The following SPATA12 variants were observed in gnomAD, a reference collection of about 807,000 sequenced individuals.
SPATA12 encodes spermatogenesis-associated protein 12.
For missense variants in SPATA12, 219 were observed against 226.4 expected (o/e 0.97, Z 0.21); for synonymous variants, 85 against 89.2 (o/e 0.95, Z 0.26).
At chr3:57,062,533 T>G (rs944379289) in intron 1 of SPATA12, among the ~76,000 whole-genome samples, 2 of 152,216 alleles carry the variant, frequency 1.3e-5, no homozygotes, top group Non-Finnish European at 2.9e-5. Flanking sequence ...CCAGCACAGA[T>G]GCTGCATAAT....
At chr3:57,072,773 G>A (rs1010982323) in intron 1 of SPATA12, among the ~76,000 whole-genome samples, 43 of 151,784 alleles carry the variant, frequency 2.8e-4, no homozygotes, top group African/African-American at 9.4e-4. Flanking sequence ...CAAGCCAGGC[G>A]TGGTGGCTCA....
At chr3:57,069,415 T>TCA (rs1560176738) in intron 1 of SPATA12, among the ~76,000 whole-genome samples, 51 of 131,412 alleles carry the variant, frequency 3.9e-4, no homozygotes, top group Middle Eastern at 3.9e-3. Context: ...ACACACATTG[T>TCA]TTGTTTAAAA....
chr3:57,060,715 C>A lies in SPATA12; in HGVS notation c.-401C>A, dbSNP rs1365480145. 1 of 152,250 alleles carries A rather than the reference C, an allele frequency of 6.6e-6. No homozygotes were observed. Among genetic ancestry groups the A allele is most frequent in the African/African-American group, 2.4e-5 (1 of 41,432 alleles). 9.4% of individuals were successfully genotyped at this position (152,250 alleles called of 1,614,324 possible). A position where few individuals can be genotyped will look rare whatever the true frequency, so the allele number is the denominator to read the frequency against. On this transcript the variant is annotated 5_prime_UTR_variant, in exon 1 of 2. Coordinates refer to ENST00000334325, the MANE Select transcript of SPATA12 (RefSeq NM_181727.2). Reference sequence around the variant, plus strand: ...AGGCTCACCTTCCCCTCATCTCCCCCACTCTTCCTGATCCTGCAGCGTCAG... The same window carrying A: ...AGGCTCACCTTCCCCTCATCTCCCCAACTCTTCCTGATCCTGCAGCGTCAG...
intron 1 of SPATA12, among the ~76,000 whole-genome samples, chr3:57,064,414 C>T (rs957815579): frequency 6.6e-6 from 1 of 151,794 alleles, no homozygotes; most frequent in Non-Finnish European, 1.5e-5. Flanking sequence ...GCCTCAACTT[C>T]CCTGACTCAA....
chr3:57,062,542 A>G (rs996762270), intron 1 of SPATA12, among the ~76,000 whole-genome samples: 1 of 152,216 alleles, frequency 6.6e-6, no homozygotes, highest in African/African-American at 2.4e-5. Flanking sequence ...ATGCTGCATA[A>G]TCTACAATAG....
intron 1 of SPATA12, among the ~76,000 whole-genome samples, chr3:57,065,466 A>C (rs1488439039): frequency 1.3e-5 from 2 of 149,342 alleles, no homozygotes; most frequent in East Asian, 1.9e-4. Context: ...ATCACAAAAC[A>C]AAAAAAAAAG....
chr3:57,067,525 G>A (rs1157365764), intron 1 of SPATA12, among the ~76,000 whole-genome samples: 2 of 149,290 alleles, frequency 1.3e-5, no homozygotes, highest in Non-Finnish European at 3.0e-5. Context: ...TATCATAGTA[G>A]ATATATTTGT....
At chr3:57,061,092 T>C (rs1705198396) in intron 1 of SPATA12, among the ~76,000 whole-genome samples, 1 of 152,198 alleles carries the variant, frequency 6.6e-6, no homozygotes, top group African/African-American at 2.4e-5. Flanking sequence ...TTTGTTGTCA[T>C]TCTAAACAGA....
chr3:57,061,970 G>C (rs919978679), intron 1 of SPATA12, among the ~76,000 whole-genome samples: 7 of 152,116 alleles, frequency 4.6e-5, no homozygotes, highest in Admixed American at 1.3e-4. Context: ...CTGCCTACAA[G>C]CATTTTCTGC....
chr3:57,069,411 ATT>A (rs902616153), intron 1 of SPATA12, among the ~76,000 whole-genome samples: 6 of 147,812 alleles, frequency 4.1e-5, no homozygotes, highest in South Asian at 4.3e-4. Flanking sequence ...ACACACACAC[ATT>A]GTTTGTTTAA....
Position 57,073,861 on chromosome 3 carries a change from G to A in SPATA12, c.167G>A (p.Gly56Asp). 1 of 1,614,220 alleles carries A rather than the reference G, an allele frequency of 6.2e-7. No individual in the cohort carries two copies. Among genetic ancestry groups the A allele is most frequent in the Non-Finnish European group, 8.5e-7 (1 of 1,180,050 alleles). The change falls in exon 2 of 2, where the codon GGT becomes GAT. Residue 56 changes from glycine (G) to aspartate (D), a missense_variant. Transcript: ENST00000334325. ...KPHCALASCQ[G>D]PGVLPGAASA... ...CACTGTGCACTGGCATCATGCCAGGGTCCAGGTGTCCTGCCAGGAGCAGCC... is the reference window on the plus strand; with the variant it reads ...CACTGTGCACTGGCATCATGCCAGGATCCAGGTGTCCTGCCAGGAGCAGCC...
At chr3:57,068,055 C>T (rs1385306428) in intron 1 of SPATA12, among the ~76,000 whole-genome samples, 1 of 152,062 alleles carries the variant, frequency 6.6e-6, no homozygotes, top group Non-Finnish European at 1.5e-5. Context: ...CACCTGTAGT[C>T]CCAGTTACTC....
chr3:57,069,970 T>C (rs989491559), intron 1 of SPATA12, among the ~76,000 whole-genome samples: 1 of 152,246 alleles, frequency 6.6e-6, no homozygotes, highest in African/African-American at 2.4e-5. Context: ...ATATGTGATA[T>C]TACTCCCTTT....
rs955639564 is a variant in SPATA12, at chr3:57,075,383, A to C, written c.*1116A>C. ...TCAGTACCAGGGCAATGCCTCGCACAGAGTAGCCCTCTCTCCCTAAATGTT... is the reference window on the plus strand; with the variant it reads ...TCAGTACCAGGGCAATGCCTCGCACCGAGTAGCCCTCTCTCCCTAAATGTT... On this transcript the variant is annotated 3_prime_UTR_variant, in exon 2 of 2. Coordinates refer to ENST00000334325, the MANE Select transcript of SPATA12 (RefSeq NM_181727.2). 3 of 167,116 alleles carry C rather than the reference A, an allele frequency of 1.8e-5. No individual in the cohort carries two copies. Among genetic ancestry groups the C allele is most frequent in the Non-Finnish European group, 4.4e-5 (3 of 68,138 alleles). The allele number at this position is 167,116 out of a possible 1,614,324, so 10.4% of individuals were successfully genotyped here. A position where few individuals can be genotyped will look rare whatever the true frequency, so the allele number is the denominator to read the frequency against.
At chr3:57,067,222 C>T (rs1037219006) in intron 1 of SPATA12, among the ~76,000 whole-genome samples, 7 of 151,966 alleles carry the variant, frequency 4.6e-5, no homozygotes, top group Admixed American at 3.9e-4. Context: ...GAGGCCAAGG[C>T]GGGTGGATCA....
chr3:57,067,953 G>A (rs1320840402), intron 1 of SPATA12, among the ~76,000 whole-genome samples: 5 of 151,936 alleles, frequency 3.3e-5, no homozygotes, highest in Admixed American at 3.3e-4. Context: ...TCACACCACT[G>A]CACTCCAGCC....
chr3:57,065,554 T>C (rs1436118635), intron 1 of SPATA12, among the ~76,000 whole-genome samples: 6 of 152,208 alleles, frequency 3.9e-5, no homozygotes, highest in Non-Finnish European at 5.9e-5. Context: ...CACTACCGTA[T>C]GCATGTGCTA....
In SPATA12 at chr3:57,073,886, C is replaced by T. The variant is rs151008331; in HGVS notation, c.192C>T (p.Ala64=). The change falls in exon 2 of 2, where the codon GCC becomes GCT. Residue 64 remains alanine (A), a synonymous_variant. Coordinates refer to ENST00000334325, the MANE Select transcript of SPATA12 (RefSeq NM_181727.2). ...CQGPGVLPGA[A]SALPELTFQG... ...GTCCAGGTGTCCTGCCAGGAGCAGC[C>T]TCTGCCCTCCCAGAGCTGACATTTC... The T allele has an allele frequency of 6.2e-7, 1 of 1,614,196 alleles. No homozygotes were observed. The highest frequency in any genetic ancestry group is 2.2e-5 in the East Asian group (1 of 44,888).
At chr3:57,073,137 C>A (rs996495286) in intron 1 of SPATA12, among the ~76,000 whole-genome samples, 1 of 152,132 alleles carries the variant, frequency 6.6e-6, no homozygotes, top group Admixed American at 6.6e-5. Flanking sequence ...CTCACAGGTA[C>A]CCATGCCTGT....
Sources: allele counts gnomAD v4.1 joint callset (sites outside exome capture counted in the v4.1 genomes callset), GRCh38; gene constraint gnomAD v4.1.1; transcripts MANE v1.5; gene names NCBI Gene and HGNC (gene_info 2026-07-23, HGNC 2026-07-21).